Variants in TRPC4 observed in about 807,000 individuals in gnomAD.
The protein encoded by TRPC4 is transient receptor potential cation channel subfamily C member 4.
Under a neutral mutation model 99.4 loss-of-function variants are expected in TRPC4, and 49 were observed. The ratio of observed to expected loss-of-function variants is 0.49; its 90% confidence interval spans 0.39 to 0.63. The LOEUF (loss-of-function observed/expected upper bound fraction) is 0.63. TRPC4 is among the 20% of genes least tolerant of loss of function. The pLI is 0.00. For missense variants in TRPC4, 898 were observed against 1,152.9 expected (o/e 0.78, Z 3.20); for synonymous variants, 454 against 425.9 (o/e 1.07, Z -0.81).
intron 2 of TRPC4, among the ~76,000 whole-genome samples, chr13:37,757,764 G>T (rs549967835): frequency 6.6e-6 from 1 of 151,922 alleles, no homozygotes; most frequent in South Asian, 2.1e-4. Flanking sequence ...CTGGAGAAAA[G>T]TCAAAAGTGA....
At chr13:37,648,380 T>C (rs77216236) in intron 8 of TRPC4, among the ~76,000 whole-genome samples, 4,143 of 152,236 alleles carry the variant, frequency 0.027, 184 homozygotes, top group African/African-American at 0.094. Flanking sequence ...AAATGCAGTA[T>C]GGAGAAAGAG....
intron 8 of TRPC4, among the ~76,000 whole-genome samples, chr13:37,640,750 C>T (rs893351663): frequency 6.6e-6 from 1 of 152,086 alleles, no homozygotes; most frequent in Non-Finnish European, 1.5e-5. Context: ...AACACACAGT[C>T]TTCTAGATCT....
At chr13:37,726,823 A>T (rs1955079453) in intron 3 of TRPC4, among the ~76,000 whole-genome samples, 1 of 152,106 alleles carries the variant, frequency 6.6e-6, no homozygotes, top group South Asian at 2.1e-4. Flanking sequence ...ATCAGACAAA[A>T]TAGATTTTAA....
intron 2 of TRPC4, among the ~76,000 whole-genome samples, chr13:37,759,393 C>T (rs1956169642): frequency 6.6e-6 from 1 of 151,762 alleles, no homozygotes; most frequent in African/African-American, 2.4e-5. Context: ...TGAAAAACCA[C>T]ATATTTTGTT....
Position 37,685,733 on chromosome 13 carries a change from A to AT in TRPC4, c.1234+6265dup, listed in dbSNP as rs747193854. Among the ~76,000 whole-genome samples the AT allele has an allele frequency of 4.6e-5, 7 of 152,058 alleles. No individual in the cohort carries two copies. The East Asian group carries it at 1.4e-3, about 30-fold the overall frequency. Reference sequence around the variant, plus strand: ...ATTCTCTGAAGGCCTGTAAATTTCAATTTTTGTGTATCAAATTTATATTGC... The same window carrying AT: ...ATTCTCTGAAGGCCTGTAAATTTCAATTTTTTGTGTATCAAATTTATATTGC... On this transcript the variant is annotated intron_variant, in intron 4 of 10. Transcript: ENST00000379705.
In TRPC4 at chr13:37,635,516, T is replaced by G. The variant is rs1951489993; in HGVS notation, c.*1387A>C. Reference sequence around the variant, plus strand: ...TGAGAAACTGAGTGCCATAACATTATTCAGTTTGGGGCCAATGATAAATCA... The same window carrying G: ...TGAGAAACTGAGTGCCATAACATTAGTCAGTTTGGGGCCAATGATAAATCA... On this transcript the variant is annotated 3_prime_UTR_variant, in exon 11 of 11. Transcript: ENST00000379705. Among the ~76,000 whole-genome samples the G allele has an allele frequency of 6.6e-6, 1 of 152,178 alleles. No homozygotes were observed.
chr13:37,718,447 C>T (rs1954752621), intron 3 of TRPC4, among the ~76,000 whole-genome samples: 1 of 151,734 alleles, frequency 6.6e-6, no homozygotes, highest in South Asian at 2.1e-4. Flanking sequence ...TCAATGAAGA[C>T]TGACCCTGAG....
At chr13:37,722,239 G>A (rs188409426) in intron 3 of TRPC4, among the ~76,000 whole-genome samples, 184 of 152,222 alleles carry the variant, frequency 1.2e-3, no homozygotes, top group African/African-American at 4.3e-3. Context: ...ACTCTTCCCC[G>A]ACTATCTAGC....
At chr13:37,657,524 T>C (rs918444275) in intron 6 of TRPC4, among the ~76,000 whole-genome samples, 1 of 152,248 alleles carries the variant, frequency 6.6e-6, no homozygotes, top group African/African-American at 2.4e-5. Context: ...CCAAATAGTT[T>C]ATGTTCTCAC....
At chr13:37,731,026 C>T (rs1053440473) in intron 3 of TRPC4, among the ~76,000 whole-genome samples, 3 of 151,748 alleles carry the variant, frequency 2.0e-5, no homozygotes, top group Non-Finnish European at 4.4e-5. Context: ...TAACTGGGGT[C>T]TATTCTGAAG....
intron 1 of TRPC4, among the ~76,000 whole-genome samples, chr13:37,866,364 G>A (rs1219279845): frequency 6.6e-6 from 1 of 151,654 alleles, no homozygotes; most frequent in Non-Finnish European, 1.5e-5. Flanking sequence ...TACAATAGTA[G>A]ATCAAGTTCT....
intron 4 of TRPC4, among the ~76,000 whole-genome samples, chr13:37,682,931 T>TC (rs1230727992): frequency 6.6e-6 from 1 of 150,750 alleles, no homozygotes; most frequent in Non-Finnish European, 1.5e-5. Flanking sequence ...TCTTTTTTTT[T>TC]TTTTTTTTTT....
At chr13:37,679,911 GCACAC>G (rs1953180231) in intron 4 of TRPC4, among the ~76,000 whole-genome samples, 1 of 152,156 alleles carries the variant, frequency 6.6e-6, no homozygotes, top group Admixed American at 6.5e-5. Flanking sequence ...AAAATGCTTG[GCACAC>G]ATTTTTTTCC....
chr13:37,845,796 C>T (rs756565851), intron 1 of TRPC4, among the ~76,000 whole-genome samples: 7 of 152,052 alleles, frequency 4.6e-5, no homozygotes, highest in Non-Finnish European at 8.8e-5. Context: ...GGAAAGACAA[C>T]AACATCCAGG....
At chr13:37,745,788 A>G in intron 3 of TRPC4, 149 bp downstream of exon 3, 1 of 931,220 alleles carries the variant, frequency 1.1e-6, no homozygotes, top group Admixed American at 2.3e-5. Flanking sequence ...TGTGATTCAT[A>G]ATTATTAATC....
chr13:37,700,575 C>T (rs145474036), intron 3 of TRPC4, among the ~76,000 whole-genome samples: 1,711 of 152,226 alleles, frequency 0.011, 29 homozygotes, highest in African/African-American at 0.039. Flanking sequence ...ATGATATAAG[C>T]GCACTTTGCT....
chr13:37,846,018 A>G (rs1439442403), intron 1 of TRPC4, among the ~76,000 whole-genome samples: 1 of 152,182 alleles, frequency 6.6e-6, no homozygotes, highest in African/African-American at 2.4e-5. Flanking sequence ...GGCAAATTCT[A>G]TATTAATAGT....
chr13:37,830,035 G>A (rs994224069), intron 1 of TRPC4, among the ~76,000 whole-genome samples: 1 of 152,132 alleles, frequency 6.6e-6, no homozygotes, highest in Non-Finnish European at 1.5e-5. Context: ...TGACTATGGG[G>A]TTTCTTCTTG....
At chr13:37,754,974 T>C (rs996960634) in intron 2 of TRPC4, among the ~76,000 whole-genome samples, 10 of 152,170 alleles carry the variant, frequency 6.6e-5, no homozygotes, top group Admixed American at 4.6e-4. Context: ...ATGTATTAAG[T>C]TAGTGCAAAA....
Sources: gnomAD v4.1 joint callset for allele counts (sites outside exome capture counted in the v4.1 genomes callset) on GRCh38, gnomAD v4.1.1 for gene constraint, MANE v1.5 for transcripts, NCBI Gene and HGNC (gene_info 2026-07-23, HGNC 2026-07-21) for gene names.